Variants in IL1RAPL1 observed in about 807,000 individuals in gnomAD.
IL1RAPL1 encodes the protein interleukin 1 receptor accessory protein like 1, also known as interleukin-1 receptor accessory protein-like 1.
In IL1RAPL1, 3 loss-of-function variants were observed where a neutral mutation model predicts 48.4. The observed-to-expected ratio is 0.06, with a 90% confidence interval of 0.03 to 0.16. The LOEUF is 0.16. Ranked by LOEUF, IL1RAPL1 falls within the 10% of genes least tolerant of loss-of-function variation. The pLI, the probability that IL1RAPL1 is intolerant of heterozygous loss-of-function variation, is 1.00. For missense variants in IL1RAPL1, 349 were observed against 530.6 expected (o/e 0.66, Z 3.36); for synonymous variants, 185 against 187.7 (o/e 0.99, Z 0.12).
chrX:29,950,011 T>C (rs1404669540), intron 9 of IL1RAPL1, among the ~76,000 whole-genome samples: 2 of 112,100 alleles, frequency 1.8e-5, no homozygotes, highest in Non-Finnish European at 3.8e-5. Flanking sequence ...ACTGCACTGA[T>C]GCAGACTCTG....
chrX:29,133,761 A>G (rs191253661), intron 2 of IL1RAPL1, among the ~76,000 whole-genome samples: 2 of 111,900 alleles, frequency 1.8e-5, no homozygotes. Context: ...TGACAAGTAC[A>G]TGATGTCATG....
chrX:29,688,451 C>T (rs1319188298), intron 6 of IL1RAPL1, among the ~76,000 whole-genome samples: 2 of 111,838 alleles, frequency 1.8e-5, no homozygotes, highest in Admixed American at 1.9e-4. Flanking sequence ...TTAGAGCCCA[C>T]TTGGATAATT....
intron 1 of IL1RAPL1, among the ~76,000 whole-genome samples, chrX:28,625,427 T>A (rs1316925729): frequency 8.9e-6 from 1 of 112,007 alleles, no homozygotes; most frequent in Non-Finnish European, 1.9e-5. Flanking sequence ...AAACTACATA[T>A]TTGTAAGGCA....
At chrX:29,803,196 C>CACATGT (rs1930083776) in intron 6 of IL1RAPL1, among the ~76,000 whole-genome samples, 1 of 25,582 alleles carries the variant, frequency 3.9e-5, no homozygotes, top group Admixed American at 3.3e-4. Context: ...TATATGTATA[C>CACATGT]ATATACACAC....
chrX:28,653,171 T>G (rs1395218032), intron 1 of IL1RAPL1, among the ~76,000 whole-genome samples: 2 of 111,879 alleles, frequency 1.8e-5, no homozygotes, highest in African/African-American at 6.5e-5. Context: ...TAACTCCACC[T>G]TTTTTTCTTT....
At chrX:29,645,061 A>G (rs756753574) in intron 5 of IL1RAPL1, among the ~76,000 whole-genome samples, 1 of 113,174 alleles carries the variant, frequency 8.8e-6, no homozygotes, top group South Asian at 3.6e-4. Flanking sequence ...AAGTAAAACA[A>G]TTAGATATTT....
rs1930128603 is a variant in IL1RAPL1, at chrX:29,803,345, A to ATGTG, written c.779-114118_779-114117insGTGT. 7.3e-4 allele frequency among the ~76,000 whole-genome samples: 55 copies of ATGTG among 75,378 alleles called. 1 individual carries two copies. Among genetic ancestry groups the ATGTG allele is most frequent in the Non-Finnish European group, 1.0e-3 (43 of 42,518 alleles). The allele number at this position is 75,378 out of a possible 115,157, so 65.5% of individuals were successfully genotyped here. A position where few individuals can be genotyped will look rare whatever the true frequency, so the allele number is the denominator to read the frequency against. ...TGTATACATGTATACACATATGTAT[A>ATGTG]TATGTATACATGTATACACATATGT... On this transcript the variant is annotated intron_variant, in intron 6 of 10. Transcript: ENST00000378993.
chrX:29,467,811 C>G (rs1406766386), intron 5 of IL1RAPL1, among the ~76,000 whole-genome samples: 4 of 111,929 alleles, frequency 3.6e-5, no homozygotes. Flanking sequence ...TGAAATCTCA[C>G]CATGGGGAAT....
At chrX:29,801,078 A>C (rs1213240995) in intron 6 of IL1RAPL1, among the ~76,000 whole-genome samples, 7 of 92,008 alleles carry the variant, frequency 7.6e-5, no homozygotes, top group African/African-American at 2.2e-4. Flanking sequence ...AAAAAAAAAA[A>C]AACTCATCTT....
chrX:28,724,141 G>T (rs1935630689), intron 1 of IL1RAPL1, among the ~76,000 whole-genome samples: 1 of 111,065 alleles, frequency 9.0e-6, no homozygotes, highest in Admixed American at 9.6e-5. Context: ...TCAATTCCTG[G>T]GTATCCTTAT....
At chrX:28,962,855 C>G (rs760560488) in intron 2 of IL1RAPL1, among the ~76,000 whole-genome samples, 154 of 103,750 alleles carry the variant, frequency 1.5e-3, no homozygotes, top group Middle Eastern at 9.7e-3. Flanking sequence ...CCTGTGGATA[C>G]TGAGAGATGA....
chrX:29,004,910 G>T lies in IL1RAPL1; in HGVS notation c.82+215485G>T, dbSNP rs773881746. ...TGTGGTGGCCACTCCTCATGATAGT[G>T]ACAGGTACAGACAGTCTTGTTAATC... On this transcript the variant is annotated intron_variant, in intron 2 of 10. Coordinates refer to ENST00000378993, the MANE Select transcript of IL1RAPL1 (RefSeq NM_014271.4). 2.7e-5 allele frequency among the ~76,000 whole-genome samples: 3 copies of T among 111,932 alleles called. No individual in the cohort carries two copies. In the East Asian group the frequency reaches 8.5e-4, roughly 32 times the overall value.
chrX:29,105,193 T>C (rs1017660132), intron 2 of IL1RAPL1, among the ~76,000 whole-genome samples: 3 of 111,772 alleles, frequency 2.7e-5, no homozygotes, highest in Admixed American at 1.9e-4. Flanking sequence ...ATTCATAATA[T>C]CTACTATAGT....
chrX:28,592,786 C>G (rs1327450081), intron 1 of IL1RAPL1, among the ~76,000 whole-genome samples: 1 of 111,762 alleles, frequency 8.9e-6, no homozygotes, highest in Non-Finnish European at 1.9e-5. Context: ...TTCCCAGTGT[C>G]TTGCTTTTCT....
intron 3 of IL1RAPL1, among the ~76,000 whole-genome samples, chrX:29,323,733 A>C: frequency 1.4e-4 from 1 of 7,243 alleles, no homozygotes; most frequent in Admixed American, 1.4e-3. Flanking sequence ...ATATATATAT[A>C]TATATATATA....
chrX:29,080,718 C>A (rs1425051338), intron 2 of IL1RAPL1, among the ~76,000 whole-genome samples: 1 of 108,440 alleles, frequency 9.2e-6, no homozygotes, highest in Non-Finnish European at 1.9e-5. Flanking sequence ...CTACTTTCCT[C>A]TAATTATTAT....
At position 29,552,802 on chromosome X, in the gene IL1RAPL1, C is replaced by CTTT. The variant is rs765234944; in HGVS notation, c.704-115605_704-115603dup. On this transcript the variant is annotated intron_variant, in intron 5 of 10. Transcript: ENST00000378993. ...AAGTTCATTCATGTTTTTCACTCTCCTTTTTTTTTTTTTTTTTTTTTTTTT... is the reference window on the plus strand; with the variant it reads ...AAGTTCATTCATGTTTTTCACTCTCCTTTTTTTTTTTTTTTTTTTTTTTTTTTT... Among the ~76,000 whole-genome samples the CTTT allele has an allele frequency of 1.8e-3, 42 of 23,002 alleles. 1 individual carries two copies. Among genetic ancestry groups the CTTT allele is most frequent in the East Asian group, 4.4e-3 (2 of 459 alleles). The allele number at this position is 23,002 out of a possible 115,157, so 20.0% of individuals were successfully genotyped here.
chrX:29,530,944 C>G (rs1433539858), intron 5 of IL1RAPL1, among the ~76,000 whole-genome samples: 2 of 112,023 alleles, frequency 1.8e-5, no homozygotes, highest in East Asian at 5.6e-4. Context: ...GGGGCAGTAA[C>G]AGTTTGTCTT....
intron 2 of IL1RAPL1, among the ~76,000 whole-genome samples, chrX:29,243,988 C>T (rs181804048): frequency 8.9e-6 from 1 of 111,754 alleles, no homozygotes; most frequent in South Asian, 3.8e-4. Context: ...CCCTCTCCCC[C>T]ACACATGTAA....
Sources: gnomAD v4.1 joint callset for allele counts (sites outside exome capture counted in the v4.1 genomes callset) on GRCh38, gnomAD v4.1.1 for gene constraint, MANE v1.5 for transcripts, NCBI Gene and HGNC (gene_info 2026-07-23, HGNC 2026-07-21) for gene names.